The following NDEL1 variants were observed in gnomAD, a reference collection of about 807,000 sequenced individuals.
The protein encoded by NDEL1 is nuclear distribution protein nudE-like 1.
A neutral mutation model predicts 45.7 loss-of-function variants in NDEL1; 9 were observed. That is an observed-to-expected ratio of 0.20 (90% CI 0.12 to 0.34). The LOEUF is 0.34. Among genes scored for constraint, NDEL1 ranks in the 10% least tolerant of loss-of-function variants. The pLI is 1.00. For synonymous variants in NDEL1, 133 were observed against 158.6 expected, an observed-to-expected ratio of 0.84 and a Z score of 1.21; for missense variants, 306 against 406.2, an observed-to-expected ratio of 0.75 and a Z score of 2.12.
At chr17:8,443,321 G>T (rs890761279) in intron 1 of NDEL1, among the ~76,000 whole-genome samples, 4 of 152,202 alleles carry the variant, frequency 2.6e-5, no homozygotes, top group Admixed American at 6.5e-5. Flanking sequence ...GAATGCAAGA[G>T]ATTTTAATGC....
At chr17:8,418,129 C>A (rs151179898) in intron 1 of NDEL1, among the ~76,000 whole-genome samples, 1 of 152,236 alleles carries the variant, frequency 6.6e-6, no homozygotes, top group African/African-American at 2.4e-5. Flanking sequence ...CTGTCGCTTA[C>A]TCATCCACTT....
chr17:8,454,672 A>T, intron 6 of NDEL1, 124 bp from the exon 7 acceptor site: 1 of 695,836 alleles, frequency 1.4e-6, no homozygotes, highest in Admixed American at 2.4e-5. Context: ...TCTATACTTT[A>T]TCCATAGTTT....
intron 5 of NDEL1, among the ~76,000 whole-genome samples, chr17:8,450,365 T>C (rs1328124648): frequency 6.6e-6 from 1 of 151,912 alleles, no homozygotes; most frequent in Non-Finnish European, 1.5e-5. Context: ...TTTCTAAAAG[T>C]AAATATTTCA....
Position 8,447,799 on chromosome 17 carries a change from C to G in NDEL1, c.390-751C>G, listed in dbSNP as rs1187351377. 2.0e-5 allele frequency among the ~76,000 whole-genome samples: 3 copies of G among 152,134 alleles called. No individual in the cohort carries two copies. In the East Asian group the frequency reaches 5.8e-4, roughly 29 times the overall value. ...TGGTATTTCCTTCCTTAATATTTATCCAGTGAGTCTTAAGTGACTGACATG... is the reference window on the plus strand; with the variant it reads ...TGGTATTTCCTTCCTTAATATTTATGCAGTGAGTCTTAAGTGACTGACATG... On this transcript the variant is annotated intron_variant, in intron 4 of 8. Transcript: ENST00000334527.
At chr17:8,463,189 A>G in intron 8 of NDEL1, 2 of 636,802 alleles carry the variant, frequency 3.1e-6, no homozygotes, top group East Asian at 2.8e-5. Flanking sequence ...CTTAGGTAAC[A>G]TGTGCTCTAT....
At chr17:8,449,408 T>C (rs1225610759) in intron 5 of NDEL1, among the ~76,000 whole-genome samples, 4 of 152,194 alleles carry the variant, frequency 2.6e-5, no homozygotes, top group African/African-American at 9.6e-5. Context: ...GGATTATGGG[T>C]GTGAGCCACT....
upstream of NDEL1, among the ~76,000 whole-genome samples, chr17:8,432,337 A>ATATATATAT (rs1909024039): frequency 2.4e-5 from 1 of 42,368 alleles, no homozygotes; most frequent in Non-Finnish European, 6.2e-5. Flanking sequence ...AAATATATAT[A>ATATATATAT]TTATATATAA....
intron 1 of NDEL1, among the ~76,000 whole-genome samples, chr17:8,424,819 A>T: frequency 6.6e-6 from 1 of 152,240 alleles, no homozygotes; most frequent in Middle Eastern, 3.4e-3. Flanking sequence ...TGTTTTTTTA[A>T]TATAAAGTTT....
chr17:8,473,912 C>T (rs1402395797), intron 3 of NDEL1, among the ~76,000 whole-genome samples: 2 of 152,226 alleles, frequency 1.3e-5, no homozygotes, highest in East Asian at 3.8e-4. Context: ...CCTAACCCAG[C>T]AGTGAGCTTC....
At chr17:8,416,196 T>C (rs1348515130) in intron 1 of NDEL1, among the ~76,000 whole-genome samples, 1 of 152,082 alleles carries the variant, frequency 6.6e-6, no homozygotes, top group Admixed American at 6.5e-5. Context: ...CATTTTCCCC[T>C]CCCTCCCAGG....
chr17:8,446,554 T>C (rs1910090358), intron 3 of NDEL1, among the ~76,000 whole-genome samples, 200 bp from the exon 4 acceptor site: 1 of 152,232 alleles, frequency 6.6e-6, no homozygotes, highest in South Asian at 2.1e-4. Flanking sequence ...GGTTTCTTTC[T>C]GAGAGGAGAA....
At chr17:8,419,786 G>A (rs1351641904) in intron 1 of NDEL1, among the ~76,000 whole-genome samples, 4 of 152,078 alleles carry the variant, frequency 2.6e-5, no homozygotes, top group Non-Finnish European at 5.9e-5. Flanking sequence ...CACTTTCCAT[G>A]TTTGTTGCTG....
chr17:8,432,304 G>GAT (rs57026447), upstream of NDEL1: 15 of 125,520 alleles, frequency 1.2e-4, no homozygotes, highest in African/African-American at 4.1e-4. Flanking sequence ...CCTTTAAAGA[G>GAT]ATATATATAT....
intron 1 of NDEL1, among the ~76,000 whole-genome samples, chr17:8,418,125 C>G (rs1013897196): frequency 7.2e-5 from 11 of 152,348 alleles, no homozygotes; most frequent in Admixed American, 2.0e-4. Context: ...TCAGCTGTCG[C>G]TTACTCATCC....
chr17:8,417,515 C>T (rs1463152494), intron 1 of NDEL1, among the ~76,000 whole-genome samples: 2 of 152,210 alleles, frequency 1.3e-5, no homozygotes, highest in Non-Finnish European at 2.9e-5. Context: ...GTTCAAGGAA[C>T]TAGAAGCCGA....
chr17:8,470,495 A>G (rs1052939324), downstream of NDEL1, among the ~76,000 whole-genome samples: 3 of 152,138 alleles, frequency 2.0e-5, no homozygotes, highest in Non-Finnish European at 2.9e-5. The surrounding 1 kb of genome is among the most constrained non-coding windows in gnomAD (Gnocchi z 4.2). Context: ...ATGATCCCTG[A>G]CCAACGCAGC....
chr17:8,470,742 C>A (rs892526357), downstream of NDEL1, among the ~76,000 whole-genome samples: 13 of 152,202 alleles, frequency 8.5e-5, no homozygotes, highest in African/African-American at 3.1e-4. The surrounding 1 kb of genome is among the most constrained non-coding windows in gnomAD (Gnocchi z 4.2). Flanking sequence ...GGCCTTGACT[C>A]CCACGCTCTG....
At chr17:8,469,905 A>C (rs2151747534), downstream of NDEL1, among the ~76,000 whole-genome samples, 1 of 122,706 alleles carries the variant, frequency 8.1e-6, no homozygotes, top group Admixed American at 9.7e-5. Flanking sequence ...GCAGGGTTTC[A>C]CCATGTTGTT....
At chr17:8,420,963 C>T (rs1218895776) in intron 1 of NDEL1, among the ~76,000 whole-genome samples, 1 of 151,998 alleles carries the variant, frequency 6.6e-6, no homozygotes, top group African/African-American at 2.4e-5. Context: ...ATTTTTATTC[C>T]CTAAGTGATG....
Sources: allele counts gnomAD v4.1 joint callset (sites outside exome capture counted in the v4.1 genomes callset), GRCh38; gene constraint gnomAD v4.1.1; non-coding constraint Gnocchi (gnomAD v3.1); transcripts MANE v1.5; gene names NCBI Gene and HGNC (gene_info 2026-07-23, HGNC 2026-07-21).